TRIM59: variants seen among roughly 807,000 people sequenced by gnomAD.
The protein encoded by TRIM59 is tripartite motif-containing protein 59.
Under a neutral mutation model 32.2 loss-of-function variants are expected in TRIM59, and 14 were observed. The observed-to-expected ratio is 0.43, with a 90% CI of 0.29 to 0.68. TRIM59 has a LOEUF of 0.68. Among genes scored for constraint, TRIM59 ranks in the 30% least tolerant of loss-of-function variants. TRIM59 has a pLI of 0.15. For synonymous variants in TRIM59, 163 were observed against 155.1 expected, an observed-to-expected ratio of 1.05 and a Z score of -0.38; for missense variants, 471 against 463.3, an observed-to-expected ratio of 1.02 and a Z score of -0.15.
chr3:160,439,323 T>A lies in TRIM59; in HGVS notation c.-3-137A>T, dbSNP rs935418950. ...GAACAAGGTATTTTTAAAATGAAGT[T>A]TTCTGAGTAATTCATTTCCTAGTAT... On this transcript the variant is annotated intron_variant, in intron 2 of 2. Coordinates refer to ENST00000309784, the MANE Select transcript of TRIM59 (RefSeq NM_173084.3). 1.3e-5 allele frequency: 9 copies of A among 674,056 alleles called. No individual in the cohort carries two copies. In the Admixed American group the frequency reaches 3.4e-4, roughly 25 times the overall value. 41.8% of individuals were successfully genotyped at this position (674,056 alleles called of 1,614,324 possible).
rs767995859 is a variant in TRIM59, at chr3:160,438,742, GT to G, written c.441del (p.Lys147AsnfsTer6). ...TGTGTGTCAGTCAACTGTTCAAGCA[GT>G]TTTTGAGGAGTGTCCTTTTCTTTCA... ...AYLKEKDTPQ[K>X]LLEQLTDTHW... On this transcript the variant is annotated frameshift_variant, in exon 3 of 3. Coordinates refer to ENST00000309784, the MANE Select transcript of TRIM59 (RefSeq NM_173084.3). LOFTEE classifies it high-confidence loss of function. 17 of 1,614,014 alleles carry G rather than the reference GT, an allele frequency of 1.1e-5. No homozygotes were observed. The Admixed American group carries it at 1.2e-4, about 11-fold the overall frequency.
Position 160,438,310 on chromosome 3 carries a change from T to C in TRIM59, c.874A>G (p.Thr292Ala), listed in dbSNP as rs762292987. The C allele has an allele frequency of 3.0e-5, 48 of 1,613,462 alleles. No homozygotes were observed. Among genetic ancestry groups the C allele is most frequent in the Non-Finnish European group, 4.1e-5 (48 of 1,179,884 alleles). Residue 292 changes from threonine to alanine, a missense_variant, in exon 3 of 3, where the codon ACA becomes GCA. Thr to Ala is a moderately conservative substitution (Grantham distance 58). Transcript: ENST00000309784. ...ACGTTCTTAATTTGTCCAATTTCTG[T>C]TCTGCTCCATTCTTCTTTCAATATT... is the stretch of plus-strand genomic sequence containing the variant. ...SKILKEEWSR[T>A]EIGQIKNVLI...
chr3:160,439,305 G>T, intron 2 of TRIM59, 119 bp from the exon 3 acceptor site: 2 of 798,998 alleles, frequency 2.5e-6, no homozygotes, highest in South Asian at 4.4e-5. Flanking sequence ...AGAGAACAAG[G>T]TATTTTTAAA....
rs1254798685 is a variant in TRIM59 at position 160,448,802 on chromosome 3, TTAAAA to T, written c.-73-12_-73-8del. The T allele has an allele frequency of 1.5e-5, 18 of 1,233,460 alleles. No individual in the cohort carries two copies. The highest frequency in any genetic ancestry group is 1.7e-5 in the Non-Finnish European group (16 of 953,124). 76.4% of individuals were successfully genotyped at this position (1,233,460 alleles called of 1,614,324 possible). On this transcript the variant is annotated splice_region_variant and splice_polypyrimidine_tract_variant and intron_variant, in intron 1 of 2. Coordinates refer to ENST00000309784, the MANE Select transcript of TRIM59 (RefSeq NM_173084.3). The stretch of plus-strand genomic sequence containing the variant: ...AGAATCTTTTATTCTTATTCTAAAA[TTAAAA>T]TAATGTTATCTTTAATGTTTTCAAT...
At chr3:160,442,159 TTAAG>T (rs758005229) in intron 2 of TRIM59, among the ~76,000 whole-genome samples, 2 of 152,208 alleles carry the variant, frequency 1.3e-5, no homozygotes, top group Non-Finnish European at 2.9e-5. Flanking sequence ...ATTCAATTGT[TTAAG>T]TAGCAAAACT....
intron 1 of TRIM59, chr3:160,449,076 G>GA (rs2108522953): frequency 4.5e-6 from 1 of 222,644 alleles, no homozygotes; most frequent in Admixed American, 5.4e-5. Flanking sequence ...GGTGATGGCA[G>GA]AAAAAACATT....
At position 160,449,699 on chromosome 3, in the gene TRIM59, A is replaced by G; in HGVS notation, c.-74+18T>C. The G allele has an allele frequency of 7.8e-7, 1 of 1,289,222 alleles. No individual in the cohort carries two copies. Among genetic ancestry groups the G allele is most frequent in the African/African-American group, 1.5e-5 (1 of 65,980 alleles). The allele number at this position is 1,289,222 out of a possible 1,614,324, so 79.9% of individuals were successfully genotyped here. The stretch of plus-strand genomic sequence containing the variant: ...TCAGAACCACCTTCTCCGCATCCGT[A>G]AAGGTCCTTAGACTCACCGCGGGGA... On this transcript the variant is annotated intron_variant, in intron 1 of 2. Transcript: ENST00000309784.
At chr3:160,449,430 C>T (rs936361871) in intron 1 of TRIM59, 12 of 1,130,104 alleles carry the variant, frequency 1.1e-5, no homozygotes, top group Non-Finnish European at 1.3e-5. Context: ...CCGTCCCCAA[C>T]CCCGCGGGAC....
intron 2 of TRIM59, among the ~76,000 whole-genome samples, chr3:160,446,722 C>T (rs1299578743): frequency 6.6e-6 from 1 of 152,032 alleles, no homozygotes; most frequent in African/African-American, 2.4e-5. Flanking sequence ...GCGGGCAAGC[C>T]CACCTGAGCT....
rs2108514329 is a variant in TRIM59 at position 160,438,115 on chromosome 3, T to A, written c.1069A>T (p.Ser357Cys). The A allele has an allele frequency of 6.2e-7, 1 of 1,612,610 alleles. No individual in the cohort carries two copies. The highest frequency in any genetic ancestry group is 2.2e-5 in the East Asian group (1 of 44,828). Residue 357 changes from serine (S) to cysteine (C), a missense_variant, in exon 3 of 3, where the codon AGT (serine) becomes TGT (cysteine). Transcript: ENST00000309784. ...FFNQHIITFL[S>C]EITLIWFSEA... ...GAAAACCATATTAAAGTGATTTCAC[T>A]TAAAAAGGTTATGATGTGTTGGTTG...
chr3:160,442,628 A>T (rs1430161175), intron 2 of TRIM59, among the ~76,000 whole-genome samples: 1 of 152,180 alleles, frequency 6.6e-6, no homozygotes, highest in Admixed American at 6.5e-5. Flanking sequence ...TAAAATTTTT[A>T]ATAATACTTT....
In TRIM59 at chr3:160,438,011, A is replaced by T; in HGVS notation, c.1173T>A (p.Tyr391Ter). 6.4e-7 allele frequency: 1 copy of T among 1,561,556 alleles called. No homozygotes were observed. Among genetic ancestry groups the T allele is most frequent in the Non-Finnish European group, 8.6e-7 (1 of 1,160,392 alleles). Reference protein sequence around the residue: ...KVKNILCHIFYLLKEFVWKIV... With the variant: ...KVKNILCHIF ...TTTTCCACACAAATTCCTTCAACAA[A>T]TAGAAAATGTGACACAGTATATTCT... Residue 391 changes from tyrosine to a stop codon, truncating the protein, a stop_gained, in exon 3 of 3, where the codon TAT becomes TAA. Coordinates refer to ENST00000309784, the MANE Select transcript of TRIM59 (RefSeq NM_173084.3). LOFTEE classifies it high-confidence loss of function.
At position 160,436,525 on chromosome 3, in the gene TRIM59, G is replaced by A. The variant is rs115630852; in HGVS notation, c.*1447C>T. 59,059 of 984,722 alleles carry A rather than the reference G, an allele frequency of 0.06. 1,900 individuals carry two copies. The highest frequency in any genetic ancestry group is 0.065 in the Non-Finnish European group (54,147 of 829,104). The allele number at this position is 984,722 out of a possible 1,614,324, so 61.0% of individuals were successfully genotyped here. Reference sequence around the variant, plus strand: ...AAAAGATTAAGTTGTTGGGCCGGGCGTGGCGGCTCACGCCTATAATCCCAG... The same window carrying A: ...AAAAGATTAAGTTGTTGGGCCGGGCATGGCGGCTCACGCCTATAATCCCAG... On this transcript the variant is annotated 3_prime_UTR_variant, in exon 3 of 3. Transcript: ENST00000309784.
chr3:160,446,696 C>T (rs892508298), intron 2 of TRIM59, among the ~76,000 whole-genome samples: 1 of 152,166 alleles, frequency 6.6e-6, no homozygotes, highest in Non-Finnish European at 1.5e-5. Context: ...ACCCACCCTG[C>T]GCCCCCACCA....
intron 2 of TRIM59, among the ~76,000 whole-genome samples, chr3:160,448,223 T>C (rs1175500049): frequency 1.3e-5 from 2 of 152,246 alleles, no homozygotes; most frequent in African/African-American, 2.4e-5. Flanking sequence ...TTGCTTTTGC[T>C]GTACTTTTCA....
chr3:160,437,983 C>T lies in TRIM59; in HGVS notation c.1201G>A (p.Val401Ile). ...TCAGGTTGACATTTTCAATGGGAAA[C>T]TATTTTCCACACAAATTCCTTCAAC... ...YLLKEFVWKI[V>I]SH is the part of the protein sequence containing the mutation. Residue 401 changes from valine (V) to isoleucine (I), a missense_variant, in exon 3 of 3, where the codon GTT (valine) becomes ATT (isoleucine). By Grantham distance (29) the Val-to-Ile change is conservative. Transcript: ENST00000309784. 1 of 1,543,828 alleles carries T rather than the reference C, an allele frequency of 6.5e-7. No homozygotes were observed. The highest frequency in any genetic ancestry group is 8.7e-7 in the Non-Finnish European group (1 of 1,150,986).
At chr3:160,444,158 A>C (rs971108942) in intron 2 of TRIM59, among the ~76,000 whole-genome samples, 1 of 152,154 alleles carries the variant, frequency 6.6e-6, no homozygotes, top group African/African-American at 2.4e-5. Context: ...AAAATAAGGG[A>C]AGGAAACAGT....
chr3:160,445,183 G>C (rs1719458777), intron 2 of TRIM59, among the ~76,000 whole-genome samples: 1 of 152,128 alleles, frequency 6.6e-6, no homozygotes, highest in Admixed American at 6.6e-5. Context: ...GGAAGGCCAA[G>C]GTGGGAGGAT....
chr3:160,437,353 C>CA lies in TRIM59; in HGVS notation c.*618dup, dbSNP rs965175659. On this transcript the variant is annotated 3_prime_UTR_variant, in exon 3 of 3. Transcript: ENST00000309784. ...TGGGCAACAAGGTGAGACCCAGTCT[C>CA]AAAAATTTCTTTTAAAAAGCCACTT... 89 of 984,300 alleles carry CA rather than the reference C, an allele frequency of 9.0e-5. No homozygotes were observed. The highest frequency in any genetic ancestry group is 1.0e-4 in the Non-Finnish European group (84 of 829,364). The allele number at this position is 984,300 out of a possible 1,614,324, so 61.0% of individuals were successfully genotyped here.
Sources: gnomAD v4.1 joint callset for allele counts (sites outside exome capture counted in the v4.1 genomes callset) on GRCh38, gnomAD v4.1.1 for gene constraint, MANE v1.5 for transcripts, NCBI Gene and HGNC (gene_info 2026-07-23, HGNC 2026-07-21) for gene names.